SPRED2: variants seen among roughly 807,000 people sequenced by gnomAD.
The protein encoded by SPRED2 is sprouty related EVH1 domain containing 2.
In SPRED2, 47 loss-of-function variants were observed where a neutral mutation model predicts 43.0. The observed-to-expected ratio is 1.09, with a 90% CI of 0.87 to 1.40. The LOEUF is 1.40. Ranked by LOEUF, SPRED2 falls within the 40% of genes most tolerant of loss-of-function variation. The pLI, the probability that SPRED2 is intolerant of heterozygous loss-of-function variation, is 0.00. For missense variants in SPRED2, 561 were observed against 586.4 expected (o/e 0.96, Z 0.45); for synonymous variants, 225 against 225.7 (o/e 1.00, Z 0.03).
Position 65,313,320 on chromosome 2 carries a change from G to T in SPRED2, c.*181C>A. 6.9e-7 allele frequency: 1 copy of T among 1,446,002 alleles called. No homozygotes were observed. 89.6% of individuals were successfully genotyped at this position (1,446,002 alleles called of 1,614,324 possible). A position where few individuals can be genotyped will look rare whatever the true frequency, so the allele number is the denominator to read the frequency against. ...GCTGCTGCAGTGTGGGCGGCAGGGG[G>T]AGTGGAGAGTCTACCCGGCAGCGTC... On this transcript the variant is annotated 3_prime_UTR_variant, in exon 6 of 6. Transcript: ENST00000356388.
At chr2:65,408,028 C>T (rs559409583) in intron 1 of SPRED2, among the ~76,000 whole-genome samples, 1 of 152,328 alleles carries the variant, frequency 6.6e-6, no homozygotes, top group South Asian at 2.1e-4. Context: ...GGCTATCTTC[C>T]TTTTACCCAT....
At chr2:65,387,005 C>T (rs1388322177) in intron 1 of SPRED2, among the ~76,000 whole-genome samples, 2 of 150,420 alleles carry the variant, frequency 1.3e-5, no homozygotes, top group East Asian at 1.9e-4. Flanking sequence ...TAAGTTGAAC[C>T]TGGTTCTAAT....
chr2:65,374,746 G>A (rs1324050044), intron 1 of SPRED2, among the ~76,000 whole-genome samples: 1 of 152,200 alleles, frequency 6.6e-6, no homozygotes, highest in African/African-American at 2.4e-5. Flanking sequence ...GTGAGTCAGG[G>A]CTCACTGGTT....
intron 1 of SPRED2, among the ~76,000 whole-genome samples, chr2:65,419,672 T>C (rs1356025469): frequency 4.6e-5 from 7 of 152,070 alleles, no homozygotes; most frequent in Non-Finnish European, 8.8e-5. Flanking sequence ...GTGAATTCAG[T>C]AGTATTGTAA....
intron 1 of SPRED2, among the ~76,000 whole-genome samples, chr2:65,411,457 A>G (rs1676157640): frequency 1.3e-5 from 2 of 152,208 alleles, no homozygotes; most frequent in Non-Finnish European, 2.9e-5. Context: ...GACAAATGGT[A>G]CTTATTCCTA....
chr2:65,310,778 C>T (rs1041969012), downstream of SPRED2: 29 of 763,198 alleles, frequency 3.8e-5, no homozygotes, highest in African/African-American at 2.3e-4. Context: ...ATCCTGTATG[C>T]GGGAACTCCA....
At chr2:65,405,526 TG>T (rs1676001861) in intron 1 of SPRED2, among the ~76,000 whole-genome samples, 1 of 152,134 alleles carries the variant, frequency 6.6e-6, no homozygotes, top group Admixed American at 6.5e-5. Context: ...CAAATAACTG[TG>T]AATGACTGTC....
chr2:65,359,632 G>A (rs1674747587), intron 1 of SPRED2, among the ~76,000 whole-genome samples: 1 of 152,178 alleles, frequency 6.6e-6, no homozygotes, highest in Non-Finnish European at 1.5e-5. Flanking sequence ...GTCTGTGGTG[G>A]TTAAAGACCA....
At position 65,428,040 on chromosome 2, in the gene SPRED2, G is replaced by C. The variant is rs190819797; in HGVS notation, c.26+3922C>G. On this transcript the variant is annotated intron_variant, in intron 1 of 5. Coordinates refer to ENST00000356388, the MANE Select transcript of SPRED2 (RefSeq NM_181784.3). ...AAAGTGCTTTAAAAAAATGTTTGCTGTCTCGGGCAACTAACTTGACCTTGG... is the reference window on the plus strand; with the variant it reads ...AAAGTGCTTTAAAAAAATGTTTGCTCTCTCGGGCAACTAACTTGACCTTGG... 2.0e-5 allele frequency among the ~76,000 whole-genome samples: 3 copies of C among 152,302 alleles called. No homozygotes were observed. In the East Asian group the frequency reaches 5.8e-4, roughly 29 times the overall value.
chr2:65,318,978 T>C, intron 4 of SPRED2, among the ~76,000 whole-genome samples: 1 of 152,226 alleles, frequency 6.6e-6, no homozygotes, highest in East Asian at 1.9e-4. Context: ...TTTTGTTAGC[T>C]ATCATAAATC....
intron 1 of SPRED2, among the ~76,000 whole-genome samples, chr2:65,431,023 AG>A (rs1255010275): frequency 2.0e-5 from 3 of 151,756 alleles, no homozygotes. Flanking sequence ...CAGACCAGGG[AG>A]GGAAAATGCC....
intron 1 of SPRED2, among the ~76,000 whole-genome samples, chr2:65,407,211 G>A (rs1572898408): frequency 6.8e-6 from 1 of 147,082 alleles, no homozygotes; most frequent in African/African-American, 2.5e-5. Flanking sequence ...ACAGGTGTGA[G>A]CCATAGTCTC....
intron 1 of SPRED2, among the ~76,000 whole-genome samples, chr2:65,414,616 A>G (rs147599193): frequency 1.3e-5 from 2 of 152,226 alleles, no homozygotes; most frequent in African/African-American, 4.8e-5. Flanking sequence ...CTGCCAGGTC[A>G]TTCAGACTTC....
chr2:65,344,002 C>T (rs781568231), intron 2 of SPRED2, among the ~76,000 whole-genome samples: 36 of 151,974 alleles, frequency 2.4e-4, no homozygotes, highest in Non-Finnish European at 4.6e-4. Context: ...CAAAAACTAG[C>T]TGGGTGTAGT....
At chr2:65,427,841 G>A (rs1041051542) in intron 1 of SPRED2, among the ~76,000 whole-genome samples, 3 of 152,198 alleles carry the variant, frequency 2.0e-5, no homozygotes, top group Non-Finnish European at 4.4e-5. Flanking sequence ...TTAGTTAAGA[G>A]CACAGAGACC....
chr2:65,362,944 G>C (rs1373705844), intron 1 of SPRED2, among the ~76,000 whole-genome samples: 2 of 151,028 alleles, frequency 1.3e-5, no homozygotes, highest in African/African-American at 4.9e-5. Context: ...GGGAGGCCGA[G>C]GCGGGCGAGC....
At chr2:65,315,880 A>G (rs6734334) in intron 5 of SPRED2, among the ~76,000 whole-genome samples, 78,710 of 152,084 alleles carry the variant, frequency 0.52, 20,754 homozygotes, top group East Asian at 0.76. Context: ...GGATGGTCTC[A>G]ATCTCCTGAC....
At chr2:65,366,483 C>T (rs2104330636) in intron 1 of SPRED2, 1 of 1,180,942 alleles carries the variant, frequency 8.5e-7, no homozygotes, top group African/African-American at 1.5e-5. Flanking sequence ...TCCTCTACAA[C>T]TAGGATAAAT....
intron 1 of SPRED2, among the ~76,000 whole-genome samples, chr2:65,387,863 G>A (rs1675537147): frequency 6.6e-6 from 1 of 151,488 alleles, no homozygotes; most frequent in African/African-American, 2.4e-5. Flanking sequence ...CATGATCTCA[G>A]TTCACTGCAT....
Sources: gnomAD v4.1 joint callset for allele counts (sites outside exome capture counted in the v4.1 genomes callset) on GRCh38, gnomAD v4.1.1 for gene constraint, MANE v1.5 for transcripts, NCBI Gene and HGNC (gene_info 2026-07-23, HGNC 2026-07-21) for gene names.